The following NTN4 variants were observed in gnomAD, a reference collection of about 807,000 sequenced individuals.
NTN4 encodes the protein netrin-4.
Under a neutral mutation model 73.6 loss-of-function variants are expected in NTN4, and 32 were observed. The observed-to-expected ratio is 0.44, with a 90% CI of 0.33 to 0.58. The LOEUF (loss-of-function observed/expected upper bound fraction) is 0.58, where lower values mean the gene tolerates loss of function less well. Ranked by LOEUF, NTN4 falls within the 20% of genes least tolerant of loss-of-function variation. NTN4 has a pLI of 0.04. For synonymous variants in NTN4, 258 were observed against 287.5 expected (o/e 0.90, Z 1.04); for missense variants, 654 against 798.3 (o/e 0.82, Z 2.18).
chr12:95,720,592 G>A (rs1401684103), intron 3 of NTN4, among the ~76,000 whole-genome samples: 2 of 152,040 alleles, frequency 1.3e-5, no homozygotes, highest in Non-Finnish European at 2.9e-5. Flanking sequence ...AAGTTACCGA[G>A]CTTAGTCTCA....
chr12:95,675,999 T>C (rs2078270628), intron 7 of NTN4, among the ~76,000 whole-genome samples: 1 of 152,246 alleles, frequency 6.6e-6, no homozygotes, highest in Non-Finnish European at 1.5e-5. Context: ...ATGTAGCTAG[T>C]CCTTAAGTGA....
intron 5 of NTN4, among the ~76,000 whole-genome samples, chr12:95,693,145 A>G (rs1157129018): frequency 6.6e-6 from 1 of 152,246 alleles, no homozygotes; most frequent in Non-Finnish European, 1.5e-5. Context: ...CCGAAGATAC[A>G]AAGATGACTA....
At chr12:95,717,626 G>A (rs997565663) in intron 3 of NTN4, among the ~76,000 whole-genome samples, 7 of 150,756 alleles carry the variant, frequency 4.6e-5, no homozygotes, top group African/African-American at 1.7e-4. Context: ...ACTATTTGAT[G>A]CTCGTGAAAA....
chr12:95,735,830 A>C (rs1006611801), intron 3 of NTN4, among the ~76,000 whole-genome samples: 2 of 152,018 alleles, frequency 1.3e-5, no homozygotes, highest in Non-Finnish European at 2.9e-5. Context: ...TAACTCTGAA[A>C]GTTTATATTT....
intron 3 of NTN4, among the ~76,000 whole-genome samples, chr12:95,717,586 C>T (rs2078615975): frequency 6.6e-6 from 1 of 151,376 alleles, no homozygotes; most frequent in South Asian, 2.1e-4. Context: ...AGCAATACAA[C>T]TGTTGCTGTT....
chr12:95,698,160 G>A (rs1202721100), intron 5 of NTN4, among the ~76,000 whole-genome samples: 5 of 152,150 alleles, frequency 3.3e-5, no homozygotes, highest in African/African-American at 7.2e-5. Flanking sequence ...CCAATCCCTC[G>A]AGGATACTGT....
At chr12:95,748,005 G>A (rs573356416) in intron 2 of NTN4, among the ~76,000 whole-genome samples, 4 of 151,916 alleles carry the variant, frequency 2.6e-5, no homozygotes, top group Non-Finnish European at 4.4e-5. Flanking sequence ...GCTGAGGCGG[G>A]TGGATCACAA....
intron 3 of NTN4, among the ~76,000 whole-genome samples, chr12:95,732,964 A>G (rs1437978573): frequency 6.6e-6 from 1 of 152,216 alleles, no homozygotes; most frequent in Admixed American, 6.5e-5. Flanking sequence ...ACCCCATTAT[A>G]TGGTTCCACA....
chr12:95,697,268 C>T (rs546778171), intron 5 of NTN4, among the ~76,000 whole-genome samples: 13 of 152,234 alleles, frequency 8.5e-5, no homozygotes, highest in African/African-American at 3.1e-4. Flanking sequence ...ATTTCTTTCA[C>T]ATTAATCAAT....
At chr12:95,702,287 C>CA (rs1157685750) in intron 5 of NTN4, among the ~76,000 whole-genome samples, 1,303 of 38,124 alleles carry the variant, frequency 0.034, 18 homozygotes, top group Middle Eastern at 0.17. Context: ...CTCAAAAGAA[C>CA]AAAAAAAAAA....
intron 5 of NTN4, among the ~76,000 whole-genome samples, chr12:95,697,868 A>T (rs1320774087): frequency 6.6e-6 from 1 of 152,166 alleles, no homozygotes; most frequent in Non-Finnish European, 1.5e-5. Flanking sequence ...ATATACAGTC[A>T]TCCCTCAACA....
chr12:95,721,932 G>A (rs1015659879), intron 3 of NTN4, among the ~76,000 whole-genome samples: 14 of 152,034 alleles, frequency 9.2e-5, no homozygotes, highest in Admixed American at 2.6e-4. Flanking sequence ...ACACGTGCGC[G>A]CACACACACA....
chr12:95,673,301 G>T, intron 7 of NTN4: 1 of 304,740 alleles, frequency 3.3e-6, no homozygotes. Context: ...CTCAGTCCAA[G>T]CTGTGGAAAA....
chr12:95,779,203 T>A (rs2079115448), intron 2 of NTN4, among the ~76,000 whole-genome samples: 4 of 152,144 alleles, frequency 2.6e-5, no homozygotes, highest in Admixed American at 2.0e-4. Flanking sequence ...GCCAATATCA[T>A]ACTGAATGGG....
intron 2 of NTN4, among the ~76,000 whole-genome samples, chr12:95,765,732 T>A (rs137926151): frequency 3.9e-5 from 6 of 152,354 alleles, no homozygotes; most frequent in Non-Finnish European, 7.3e-5. Flanking sequence ...TAGAATTATA[T>A]GATTATTAAT....
intron 2 of NTN4, among the ~76,000 whole-genome samples, chr12:95,746,080 C>A (rs1032090791): frequency 6.6e-5 from 10 of 152,122 alleles, no homozygotes; most frequent in Admixed American, 4.6e-4. Flanking sequence ...TGAATTGATT[C>A]TCCCTTAGCT....
chr12:95,692,552 G>T (rs56693322), intron 5 of NTN4, among the ~76,000 whole-genome samples: 2,209 of 152,294 alleles, frequency 0.015, 53 homozygotes, highest in African/African-American at 0.05. Flanking sequence ...CAGGGCCCCT[G>T]CAGCATTTAT....
intron 2 of NTN4, among the ~76,000 whole-genome samples, chr12:95,772,246 C>A (rs1490759442): frequency 1.3e-5 from 2 of 152,048 alleles, no homozygotes; most frequent in Non-Finnish European, 2.9e-5. Context: ...CGCCATGTTA[C>A]CCAGGCTGGT....
chr12:95,691,688 C>A (rs137975278), intron 5 of NTN4, among the ~76,000 whole-genome samples: 1 of 152,212 alleles, frequency 6.6e-6, no homozygotes, highest in Non-Finnish European at 1.5e-5. Context: ...AGCCACCATG[C>A]CCGGCCTGTC....
Sources: allele counts gnomAD v4.1 joint callset (sites outside exome capture counted in the v4.1 genomes callset), GRCh38; gene constraint gnomAD v4.1.1; transcripts MANE v1.5; gene names NCBI Gene and HGNC (gene_info 2026-07-23, HGNC 2026-07-21).